EYS: variants seen among roughly 807,000 people sequenced by gnomAD.
The protein encoded by EYS is protein eyes shut homolog.
EYS carries 250 observed loss-of-function variants against 282.1 expected under a neutral mutation model. The observed-to-expected ratio is 0.89, with a 90% confidence interval of 0.80 to 0.98. The LOEUF (loss-of-function observed/expected upper bound fraction) is 0.98, where lower values mean the gene tolerates loss of function less well. Ranked by LOEUF, EYS falls within the 50% of genes least tolerant of loss-of-function variation. EYS has a pLI of 0.00. For synonymous variants in EYS, 1,355 were observed against 1,282.9 expected (o/e 1.06, Z -1.20); for missense variants, 4,016 against 3,709.0 (o/e 1.08, Z -2.15).
At chr6:64,072,085 G>A (rs1044853918) in intron 32 of EYS, among the ~76,000 whole-genome samples, 1 of 151,992 alleles carries the variant, frequency 6.6e-6, no homozygotes, top group Middle Eastern at 3.4e-3. Context: ...CAGTATGAGA[G>A]CAACACAAAG....
chr6:65,104,398 C>T (rs1338083305), intron 12 of EYS, among the ~76,000 whole-genome samples: 2 of 151,392 alleles, frequency 1.3e-5, no homozygotes, highest in Non-Finnish European at 3.0e-5. Context: ...TTCTAAATAA[C>T]TTCATTGCAA....
chr6:64,610,301 A>G (rs1212457479), intron 24 of EYS, among the ~76,000 whole-genome samples: 1 of 152,314 alleles, frequency 6.6e-6, no homozygotes, highest in East Asian at 1.9e-4. Flanking sequence ...TGATGCATAA[A>G]GATGAAAGGT....
chr6:65,679,054 G>A (rs965458579), intron 1 of EYS, among the ~76,000 whole-genome samples: 2 of 151,828 alleles, frequency 1.3e-5, no homozygotes, highest in Non-Finnish European at 2.9e-5. Context: ...TCCCCTCTTG[G>A]TGTTACTGTA....
At chr6:64,503,568 CTACAGAT>C in intron 26 of EYS, among the ~76,000 whole-genome samples, 1 of 152,168 alleles carries the variant, frequency 6.6e-6, no homozygotes, top group Non-Finnish European at 1.5e-5. Context: ...GAGATCAAAT[CTACAGAT>C]TCAGCTCCCT....
chr6:64,547,475 C>G (rs181602258), intron 26 of EYS, among the ~76,000 whole-genome samples: 4 of 152,294 alleles, frequency 2.6e-5, no homozygotes, highest in Admixed American at 2.6e-4. Context: ...CAAGTACCCA[C>G]CAGAGTAGCT....
intron 1 of EYS, among the ~76,000 whole-genome samples, chr6:65,700,039 C>T (rs1009638484): frequency 5.2e-4 from 71 of 137,246 alleles, no homozygotes; most frequent in Middle Eastern, 4.4e-3. Flanking sequence ...GGCGTGAACC[C>T]GGGAGGCAGA....
intron 24 of EYS, among the ~76,000 whole-genome samples, chr6:64,605,045 C>G (rs1451837463): frequency 6.6e-6 from 1 of 152,008 alleles, no homozygotes; most frequent in Non-Finnish European, 1.5e-5. Flanking sequence ...GCTTACCACT[C>G]TTCTTGAAAA....
At chr6:64,942,990 T>C (rs1050146267) in intron 15 of EYS, among the ~76,000 whole-genome samples, 1 of 152,058 alleles carries the variant, frequency 6.6e-6, no homozygotes, top group Non-Finnish European at 1.5e-5. Context: ...GGAAGCCTAA[T>C]ATGGCAGCAC....
intron 12 of EYS, among the ~76,000 whole-genome samples, chr6:65,105,177 T>C (rs567579362): frequency 1.7e-4 from 26 of 151,904 alleles, no homozygotes; most frequent in African/African-American, 6.3e-4. Flanking sequence ...GTATGAATTT[T>C]ATGAAAGACA....
At chr6:64,282,504 T>G (rs1768343568) in intron 30 of EYS, among the ~76,000 whole-genome samples, 1 of 152,184 alleles carries the variant, frequency 6.6e-6, no homozygotes, top group Non-Finnish European at 1.5e-5. Context: ...AATCAATCTC[T>G]GGATATGTCA....
chr6:65,073,265 TAAG>T (rs1321446348), intron 12 of EYS, among the ~76,000 whole-genome samples: 1 of 151,718 alleles, frequency 6.6e-6, no homozygotes, highest in African/African-American at 2.4e-5. Flanking sequence ...TTTAAATACT[TAAG>T]AATATTTAAA....
chr6:65,554,584 A>T (rs1055583068), intron 2 of EYS, among the ~76,000 whole-genome samples: 9 of 152,278 alleles, frequency 5.9e-5, no homozygotes, highest in Non-Finnish European at 1.0e-4. Context: ...TGCCTTCTAC[A>T]GTAATTACTA....
At chr6:65,622,784 G>A (rs1382582154) in intron 2 of EYS, among the ~76,000 whole-genome samples, 1 of 147,870 alleles carries the variant, frequency 6.8e-6, no homozygotes, top group African/African-American at 2.5e-5. Flanking sequence ...TTTTGAAACA[G>A]TATCTCTCTG....
At chr6:65,470,673 G>T (rs924149319) in intron 5 of EYS, among the ~76,000 whole-genome samples, 6 of 152,044 alleles carry the variant, frequency 3.9e-5, no homozygotes, top group Admixed American at 2.0e-4. Flanking sequence ...TTAAGTAACT[G>T]AGCTGACAGA....
chr6:64,002,738 A>G (rs1768155399), intron 33 of EYS, among the ~76,000 whole-genome samples: 1 of 152,130 alleles, frequency 6.6e-6, no homozygotes, highest in Non-Finnish European at 1.5e-5. Context: ...GGGTCCCACT[A>G]TGTTGCCCAG....
intron 31 of EYS, among the ~76,000 whole-genome samples, chr6:64,168,038 G>A (rs925657823): frequency 9.9e-5 from 15 of 152,268 alleles, no homozygotes; most frequent in African/African-American, 3.1e-4. Flanking sequence ...CGAGGCAGGC[G>A]GATCACGAGG....
chr6:65,443,208 T>C lies in EYS; in HGVS notation c.863-37841A>G, dbSNP rs989534518. Among the ~76,000 whole-genome samples the C allele has an allele frequency of 4.6e-5, 7 of 151,832 alleles. 1 individual carries two copies. The South Asian group carries it at 1.0e-3, about 22-fold the overall frequency. ...ATATACATATGTGCGCACATATATG[T>C]ATGCATCATATACACATGTATGTGA... is the stretch of plus-strand genomic sequence containing the variant. On this transcript the variant is annotated intron_variant, in intron 5 of 42. Coordinates refer to ENST00000503581, the MANE Select transcript of EYS (RefSeq NM_001142800.2).
intron 21 of EYS, among the ~76,000 whole-genome samples, chr6:64,816,039 C>T (rs1266644246): frequency 2.6e-5 from 4 of 152,168 alleles, no homozygotes; most frequent in South Asian, 2.1e-4. Flanking sequence ...CCAATGTCAT[C>T]TTTATCATAA....
intron 26 of EYS, among the ~76,000 whole-genome samples, chr6:64,443,003 T>C (rs899766375): frequency 1.3e-5 from 2 of 152,062 alleles, no homozygotes; most frequent in East Asian, 3.9e-4. Flanking sequence ...GAATGGTAGA[T>C]CCACTGACGG....
Sources: allele counts gnomAD v4.1 joint callset (sites outside exome capture counted in the v4.1 genomes callset), GRCh38; gene constraint gnomAD v4.1.1; transcripts MANE v1.5; gene names NCBI Gene and HGNC (gene_info 2026-07-23, HGNC 2026-07-21).